CFAP54: variants seen among roughly 807,000 people sequenced by gnomAD.
CFAP54 encodes the protein cilia- and flagella-associated protein 54.
A neutral mutation model predicts 370.4 loss-of-function variants in CFAP54; 290 were observed. The observed-to-expected ratio is 0.78, with a 90% CI of 0.71 to 0.86. The LOEUF (loss-of-function observed/expected upper bound fraction) is 0.86. Ranked by LOEUF, CFAP54 falls within the 40% of genes least tolerant of loss-of-function variation. CFAP54 has a pLI of 0.00. For synonymous variants in CFAP54, 1,206 were observed against 1,236.5 expected (o/e 0.98, Z 0.52); for missense variants, 3,399 against 3,528.7 (o/e 0.96, Z 0.93).
intron 1 of CFAP54, 24 bp downstream of exon 1, chr12:96,489,950 G>A (rs1351324432): frequency 6.6e-7 from 1 of 1,518,298 alleles, no homozygotes; most frequent in Non-Finnish European, 8.8e-7. Flanking sequence ...GGGCACTGGG[G>A]AGGGCGCCGG....
intron 67 of CFAP54, among the ~76,000 whole-genome samples, chr12:96,869,089 T>C (rs532665452): frequency 6.6e-6 from 1 of 152,360 alleles, no homozygotes; most frequent in South Asian, 2.1e-4. Context: ...TTGTCATTTA[T>C]TTTATTTTTG....
intron 66 of CFAP54, among the ~76,000 whole-genome samples, chr12:96,841,622 T>G (rs1959217033): frequency 6.6e-6 from 1 of 152,350 alleles, no homozygotes; most frequent in African/African-American, 2.4e-5. Flanking sequence ...CTATTCCACC[T>G]ATATCTTAAG....
At chr12:96,678,084 T>G (rs1957231251) in intron 39 of CFAP54, among the ~76,000 whole-genome samples, 1 of 152,140 alleles carries the variant, frequency 6.6e-6, no homozygotes, top group African/African-American at 2.4e-5. Flanking sequence ...TGAACACCGG[T>G]TCTTCCATTC....
chr12:96,792,216 A>T (rs1461563765), intron 62 of CFAP54, 113 bp from the exon 63 acceptor site: 1 of 908,194 alleles, frequency 1.1e-6, no homozygotes. Flanking sequence ...ATTTACCTCC[A>T]TAAAACAAGC....
intron 30 of CFAP54, among the ~76,000 whole-genome samples, chr12:96,627,779 A>T (rs11108595): frequency 0.5 from 75,297 of 151,812 alleles, 19,177 homozygotes; most frequent in African/African-American, 0.58. Context: ...TAAATTTTTT[A>T]AAAAATAGCT....
At chr12:96,805,495 A>G (rs531589578) in intron 63 of CFAP54, among the ~76,000 whole-genome samples, 11 of 152,230 alleles carry the variant, frequency 7.2e-5, no homozygotes, top group African/African-American at 2.6e-4. Context: ...AACATCACTA[A>G]TCATCAGAGG....
intron 26 of CFAP54, among the ~76,000 whole-genome samples, chr12:96,613,091 C>T (rs7294512): frequency 6.6e-6 from 1 of 152,206 alleles, no homozygotes; most frequent in Non-Finnish European, 1.5e-5. Context: ...ACACATTGCA[C>T]TTATTCCAAA....
chr12:96,783,903 A>G (rs1231693734), intron 60 of CFAP54, among the ~76,000 whole-genome samples: 1 of 152,190 alleles, frequency 6.6e-6, no homozygotes, highest in African/African-American at 2.4e-5. Context: ...AAAAAAGAAA[A>G]GAAAAGTAAG....
At chr12:96,850,939 T>A (rs1218013323) in intron 66 of CFAP54, among the ~76,000 whole-genome samples, 1 of 152,170 alleles carries the variant, frequency 6.6e-6, no homozygotes, top group Admixed American at 6.5e-5. Flanking sequence ...CCTTGACAGG[T>A]GGTGATTACA....
intron 22 of CFAP54, among the ~76,000 whole-genome samples, chr12:96,585,992 T>C: frequency 6.6e-6 from 1 of 152,140 alleles, no homozygotes; most frequent in East Asian, 1.9e-4. Context: ...ACAACCTTGT[T>C]ATAGTCTAGT....
At position 96,644,165 on chromosome 12, in the gene CFAP54, T is replaced by C; in HGVS notation, c.4317-13T>C. ...TTCTTGTGTAATTTCAAAACTTCTT[T>C]CTCCCTTGGCAGAAATAGGAGAACC... On this transcript the variant is annotated splice_polypyrimidine_tract_variant and intron_variant, in intron 32 of 67. Transcript: ENST00000524981. 1 of 1,497,610 alleles carries C rather than the reference T, an allele frequency of 6.7e-7. No homozygotes were observed. The highest frequency in any genetic ancestry group is 8.9e-7 in the Non-Finnish European group (1 of 1,122,022). 92.8% of individuals were successfully genotyped at this position (1,497,610 alleles called of 1,614,324 possible).
chr12:96,505,449 A>G (rs927432098), intron 3 of CFAP54, among the ~76,000 whole-genome samples: 2 of 151,258 alleles, frequency 1.3e-5, no homozygotes, highest in Non-Finnish European at 2.9e-5. Flanking sequence ...CTTGGAATAC[A>G]TGGAATGCTC....
chr12:96,519,419 G>A (rs1037874150), intron 6 of CFAP54, among the ~76,000 whole-genome samples: 2 of 152,122 alleles, frequency 1.3e-5, no homozygotes, highest in African/African-American at 4.8e-5. Context: ...AAAATAGAGC[G>A]TATCCAGCAT....
chr12:96,586,016 G>A (rs7312299), intron 22 of CFAP54, among the ~76,000 whole-genome samples: 72,513 of 151,930 alleles, frequency 0.48, 17,644 homozygotes, highest in Admixed American at 0.53. Flanking sequence ...ACTGCTGGGT[G>A]TCCTTCTCTG....
At chr12:96,580,546 C>A in intron 20 of CFAP54, 51 bp from the exon 21 acceptor site, 1 of 953,652 alleles carries the variant, frequency 1.0e-6, no homozygotes, top group Non-Finnish European at 1.5e-6. Context: ...TTTTTTGTTA[C>A]ATTGATATAA....
chr12:96,648,392 A>T (rs1397120517), intron 34 of CFAP54, among the ~76,000 whole-genome samples: 1 of 152,118 alleles, frequency 6.6e-6, no homozygotes, highest in Admixed American at 6.5e-5. Context: ...AATCCATCAA[A>T]CATACTAATA....
At chr12:96,658,421 G>T in intron 38 of CFAP54, 75 bp downstream of exon 38, 1 of 1,494,152 alleles carries the variant, frequency 6.7e-7, no homozygotes, top group Non-Finnish European at 9.2e-7. Context: ...CAAAGATTTA[G>T]AAGTCAGATA....
At chr12:96,696,114 C>G (rs1592713026) in intron 45 of CFAP54, among the ~76,000 whole-genome samples, 1 of 152,122 alleles carries the variant, frequency 6.6e-6, no homozygotes, top group South Asian at 2.1e-4. Context: ...AAAAAGGGAA[C>G]ATTTCTTGGC....
rs776200085 is a variant in CFAP54 at position 96,743,553 on chromosome 12, C to A, written c.7371C>A (p.Asn2457Lys). 7.4e-6 allele frequency: 12 copies of A among 1,613,730 alleles called. No individual in the cohort carries two copies. Among genetic ancestry groups the A allele is most frequent in the African/African-American group, 1.3e-5 (1 of 74,876 alleles). Residue 2457 changes from asparagine (N) to lysine (K), a missense_variant, in exon 53 of 68, where the codon AAC becomes AAA. Asn to Lys is a moderately conservative substitution (Grantham distance 94, BLOSUM62 0). Coordinates refer to ENST00000524981, the MANE Select transcript of CFAP54 (RefSeq NM_001306084.2). ...ATTTAAAGGCAGACATCATGACAAA[C>A]CTTCAGGTAGAAAGGAAACTTTGTT... ...EKHLKADIMT[N>K]LQDIIHLLEG...
Sources: allele counts gnomAD v4.1 joint callset (sites outside exome capture counted in the v4.1 genomes callset), GRCh38; gene constraint gnomAD v4.1.1; transcripts MANE v1.5; gene names NCBI Gene and HGNC (gene_info 2026-07-23, HGNC 2026-07-21).